Variants in EPS8 observed in about 807,000 individuals in gnomAD.
EPS8 encodes epidermal growth factor receptor kinase substrate 8.
EPS8 carries 42 observed loss-of-function variants against 103.8 expected under a neutral mutation model. That is an observed-to-expected ratio of 0.40 (90% CI 0.32 to 0.52). EPS8 has a LOEUF of 0.52. Ranked by LOEUF, EPS8 falls within the 20% of genes least tolerant of loss-of-function variation. The probability of loss-of-function intolerance (pLI) is 0.40; values close to 1 mark genes in which losing one functional copy is unlikely to be tolerated. For missense variants in EPS8, 969 were observed against 1,005.1 expected (o/e 0.96, Z 0.49); for synonymous variants, 344 against 344.6 (o/e 1.00, Z 0.02).
At chr12:15,686,798 A>G (rs1408177223) in intron 1 of EPS8, among the ~76,000 whole-genome samples, 2 of 152,142 alleles carry the variant, frequency 1.3e-5, no homozygotes, top group East Asian at 1.9e-4. Context: ...TCATGACTCA[A>G]TATTAGAAAA....
At chr12:15,639,570 C>T (rs1023866003) in intron 17 of EPS8, among the ~76,000 whole-genome samples, 4 of 152,092 alleles carry the variant, frequency 2.6e-5, no homozygotes, top group South Asian at 2.1e-4. Flanking sequence ...TTTAAGTTAC[C>T]GAGATAGAGA....
rs1189702713 is a variant in EPS8 at position 15,663,970 on chromosome 12, T to C, written c.736+1786A>G. ...AATAATATATATATATATATATATA[T>C]ATATATACACACACACATATATATA... On this transcript the variant is annotated intron_variant, in intron 8 of 20. Coordinates refer to ENST00000281172, the MANE Select transcript of EPS8 (RefSeq NM_004447.6). 3.5e-4 allele frequency among the ~76,000 whole-genome samples: 31 copies of C among 88,954 alleles called. No individual in the cohort carries two copies. The South Asian group carries it at 0.014, about 39-fold the overall frequency. The allele number at this position is 88,954 out of a possible 152,430, so 58.4% of individuals were successfully genotyped here. A position where few individuals can be genotyped will look rare whatever the true frequency, so the allele number is the denominator to read the frequency against.
chr12:15,649,528 C>T (rs1945376721), intron 14 of EPS8, among the ~76,000 whole-genome samples: 1 of 152,132 alleles, frequency 6.6e-6, no homozygotes, highest in East Asian at 1.9e-4. Flanking sequence ...GGGGTATATG[C>T]TTGCCAACCG....
At chr12:15,699,101 G>A (rs1047497457) in intron 1 of EPS8, among the ~76,000 whole-genome samples, 45 of 152,204 alleles carry the variant, frequency 3.0e-4, no homozygotes, top group Non-Finnish European at 5.7e-4. Flanking sequence ...TCCCCAAGAG[G>A]AGGAGAGCAA....
intron 1 of EPS8, among the ~76,000 whole-genome samples, chr12:15,753,097 G>C (rs1184298632): frequency 6.6e-6 from 1 of 151,564 alleles, no homozygotes; most frequent in Non-Finnish European, 1.5e-5. Context: ...ACTCTGGACA[G>C]GGCCACAGCA....
At position 15,650,943 on chromosome 12, in the gene EPS8, C is replaced by A; in HGVS notation, c.1314G>T (p.Glu438Asp). The A allele has an allele frequency of 6.2e-7, 1 of 1,614,022 alleles. No individual in the cohort carries two copies. The highest frequency in any genetic ancestry group is 8.5e-7 in the Non-Finnish European group (1 of 1,179,924). Reference sequence around the variant, plus strand: ...CTCCCATAAAGTTCAGCATTGGGGGCTCCCAGCCATTGCGGAATCGTGGAA... The same window carrying A: ...CTCCCATAAAGTTCAGCATTGGGGGATCCCAGCCATTGCGGAATCGTGGAA... ...PYVPRFRNGWEPPMLNFMGAT... is the reference protein window; with the variant it reads ...PYVPRFRNGWDPPMLNFMGAT... Residue 438 changes from glutamate to aspartate, a missense_variant, in exon 14 of 21, where the codon GAG (glutamate) becomes GAT (aspartate). Glu to Asp is a conservative substitution (Grantham distance 45). Coordinates refer to ENST00000281172, the MANE Select transcript of EPS8 (RefSeq NM_004447.6).
intron 1 of EPS8, among the ~76,000 whole-genome samples, chr12:15,732,973 GA>G (rs1946733613): frequency 6.6e-6 from 1 of 152,134 alleles, no homozygotes; most frequent in African/African-American, 2.4e-5. Flanking sequence ...AGACAAAAAT[GA>G]CCACCTAGGT....
At position 15,654,241 on chromosome 12, in the gene EPS8, A is replaced by C. The variant is rs1004915135; in HGVS notation, c.1154T>G (p.Leu385Arg). 1 of 1,613,488 alleles carries C rather than the reference A, an allele frequency of 6.2e-7. No homozygotes were observed. Among genetic ancestry groups the C allele is most frequent in the African/African-American group, 1.3e-5 (1 of 75,008 alleles). The change falls in exon 13 of 21, where the codon CTA becomes CGA. Residue 385 changes from leucine (L) to arginine (R), a missense_variant. Physicochemically the swap from Leu to Arg is moderately radical, Grantham distance 102. Coordinates refer to ENST00000281172, the MANE Select transcript of EPS8 (RefSeq NM_004447.6). ...GAAATCAATTGTGTCCTTATTCAAT[A>C]GGGGACTAAGTACTGAACTGGCTAG... ...PELASSVLSP[L>R]LNKDTIDFLN...
intron 18 of EPS8, among the ~76,000 whole-genome samples, chr12:15,630,065 T>C (rs1745248012): frequency 6.6e-6 from 1 of 152,054 alleles, no homozygotes; most frequent in Admixed American, 6.6e-5. Context: ...ATAAATAGTA[T>C]TGAAAGAAAT....
Position 15,650,904 on chromosome 12 carries a change from T to C in EPS8, c.1353A>G (p.Gln451=). Residue 451 remains glutamine (Q), a synonymous_variant, in exon 14 of 21, where the codon CAA becomes CAG. Coordinates refer to ENST00000281172, the MANE Select transcript of EPS8 (RefSeq NM_004447.6). ...CAGATTCTGCCAGTTGATAAAGATC[T>C]TGTTCCATTGTGGCTCCCATAAAGT... ...MLNFMGATME[Q]DLYQLAESVA... 6.2e-7 allele frequency: 1 copy of C among 1,614,140 alleles called. No individual in the cohort carries two copies. The highest frequency in any genetic ancestry group is 8.5e-7 in the Non-Finnish European group (1 of 1,179,974).
chr12:15,743,985 T>C (rs559366098), intron 1 of EPS8, among the ~76,000 whole-genome samples: 15 of 152,220 alleles, frequency 9.9e-5, no homozygotes, highest in African/African-American at 3.6e-4. Flanking sequence ...ACCTACAGTA[T>C]GGGAGAAAAT....
rs1947003480 is a variant in EPS8, at chr12:15,757,857, A to G, written c.-22+31304T>C. 1.3e-5 allele frequency among the ~76,000 whole-genome samples: 2 copies of G among 152,182 alleles called. No homozygotes were observed. The highest frequency in any genetic ancestry group is 4.8e-5 in the African/African-American group (2 of 41,448). On this transcript the variant is annotated intron_variant, in intron 1 of 20. Transcript: ENST00000281172. This position sits in a 1 kb window ranked among gnomAD's most constrained non-coding sequence, Gnocchi z 4.1. ...AAACTTAGCAGCTTAGAAGAACAATAGCGTAAGGTACTAGCTCTCACAGTT... is the reference window on the plus strand; with the variant it reads ...AAACTTAGCAGCTTAGAAGAACAATGGCGTAAGGTACTAGCTCTCACAGTT...
In EPS8 at chr12:15,624,326, A is replaced by C. The variant is rs1335504415; in HGVS notation, c.2126T>G (p.Phe709Cys). ...TIGRSAAQKKFHVPRQNVPVI... is the reference protein window; with the variant it reads ...TIGRSAAQKKCHVPRQNVPVI... ...TGGCACGTTCTGCCGTGGCACATGG[A>C]ATTTCTTCTGAGCGGCACTCCGACC... Residue 709 changes from phenylalanine to cysteine, a missense_variant, in exon 19 of 21, where the codon TTC (phenylalanine) becomes TGC (cysteine). Transcript: ENST00000281172. 1 of 1,613,072 alleles carries C rather than the reference A, an allele frequency of 6.2e-7. No individual in the cohort carries two copies. The highest frequency in any genetic ancestry group is 1.1e-5 in the South Asian group (1 of 90,922).
rs1413352240 is a variant in EPS8 at position 15,688,898 on chromosome 12, G to A, written c.-21-5926C>T. Among the ~76,000 whole-genome samples, 3 of 152,108 alleles carry A rather than the reference G, an allele frequency of 2.0e-5. No individual in the cohort carries two copies. Among genetic ancestry groups the A allele is most frequent in the African/African-American group, 7.2e-5 (3 of 41,428 alleles). ...ACTAAAAGAGCACCCTGTAACACTC[G>A]CCCACGGGGGCTTCATCTGTAAACA... On this transcript the variant is annotated intron_variant, in intron 1 of 20. Transcript: ENST00000281172. The surrounding 1 kb of genome is among the most constrained non-coding windows in gnomAD (Gnocchi z 5.1).
At chr12:15,643,548 T>A (rs1170384688) in intron 15 of EPS8, among the ~76,000 whole-genome samples, 2 of 152,092 alleles carry the variant, frequency 1.3e-5, no homozygotes, top group East Asian at 1.9e-4. Context: ...GAGACCAGCC[T>A]GTCCAATATC....
Position 15,631,428 on chromosome 12 carries a change from C to T in EPS8, c.2044+14G>A. ...ATTTGCAGAAGACATTTTTTGCCTC[C>T]CTGGGAAACTTACGGTCCACCGGAA... On this transcript the variant is annotated intron_variant, in intron 18 of 20. Transcript: ENST00000281172. The T allele has an allele frequency of 6.2e-7, 1 of 1,609,372 alleles. No individual in the cohort carries two copies. Among genetic ancestry groups the T allele is most frequent in the South Asian group, 1.1e-5 (1 of 89,926 alleles).
At chr12:15,672,415 A>C (rs1414995073) in intron 3 of EPS8, 1 of 398,080 alleles carries the variant, frequency 2.5e-6, no homozygotes, top group African/African-American at 2.1e-5. Flanking sequence ...AAAATTACTT[A>C]ATAAAAACAG....
chr12:15,656,737 C>T (rs1945513994), intron 12 of EPS8, among the ~76,000 whole-genome samples: 1 of 152,106 alleles, frequency 6.6e-6, no homozygotes, highest in Non-Finnish European at 1.5e-5. Context: ...CATCTGGATA[C>T]AACTCAATTT....
intron 18 of EPS8, among the ~76,000 whole-genome samples, chr12:15,628,439 C>T (rs1944986719): frequency 6.6e-6 from 1 of 152,134 alleles, no homozygotes; most frequent in South Asian, 2.1e-4. Flanking sequence ...ACCAGAATAA[C>T]TTTACACCTT....
Sources: gnomAD v4.1 joint callset for allele counts (sites outside exome capture counted in the v4.1 genomes callset) on GRCh38, gnomAD v4.1.1 for gene constraint, Gnocchi (gnomAD v3.1) non-coding constraint, MANE v1.5 for transcripts, NCBI Gene and HGNC (gene_info 2026-07-23, HGNC 2026-07-21) for gene names.